The following CCDC178 variants were observed in gnomAD, a reference collection of about 807,000 sequenced individuals.
The protein encoded by CCDC178 is coiled-coil domain-containing protein 178.
CCDC178 carries 126 observed loss-of-function variants against 117.4 expected under a neutral mutation model. The ratio of observed to expected loss-of-function variants is 1.07; its 90% CI spans 0.93 to 1.24. CCDC178 has a LOEUF of 1.24. CCDC178 is among the 50% of genes most tolerant of loss of function. The pLI is 0.00. For synonymous variants in CCDC178, 283 were observed against 313.4 expected (o/e 0.90, Z 1.02); for missense variants, 1,030 against 986.9 (o/e 1.04, Z -0.59).
At chr18:33,346,476 T>C (rs2062895814) in intron 8 of CCDC178, 65 bp from the exon 9 acceptor site, 6 of 874,870 alleles carry the variant, frequency 6.9e-6, no homozygotes, top group South Asian at 1.8e-5. Flanking sequence ...GATGGGAACA[T>C]GGGCCTTAGT....
intron 20 of CCDC178, among the ~76,000 whole-genome samples, chr18:33,133,916 G>T (rs942114810): frequency 6.6e-6 from 1 of 151,840 alleles, no homozygotes; most frequent in African/African-American, 2.4e-5. Flanking sequence ...AAGATTTTGA[G>T]ATACACTTCT....
intron 11 of CCDC178, among the ~76,000 whole-genome samples, chr18:33,306,248 G>T (rs1334533991): frequency 6.6e-6 from 1 of 151,942 alleles, no homozygotes; most frequent in African/African-American, 2.4e-5. Context: ...CTAACTTTTG[G>T]TCCACAGCCT....
intron 21 of CCDC178, among the ~76,000 whole-genome samples, chr18:33,063,016 G>A (rs144925025): frequency 3.9e-5 from 6 of 152,274 alleles, no homozygotes; most frequent in African/African-American, 1.4e-4. Context: ...ATCTGCCCTG[G>A]GCCACTGACA....
At chr18:32,960,415 G>A (rs2144656884) in intron 22 of CCDC178, among the ~76,000 whole-genome samples, 1 of 152,206 alleles carries the variant, frequency 6.6e-6, no homozygotes, top group East Asian at 1.9e-4. Flanking sequence ...GGAAGAAGGA[G>A]CTCTTAAACA....
chr18:33,090,879 T>A (rs927026791), intron 21 of CCDC178, among the ~76,000 whole-genome samples: 4 of 152,230 alleles, frequency 2.6e-5, no homozygotes, highest in African/African-American at 9.6e-5. Flanking sequence ...AGTCCTTGTA[T>A]CTTGCATCAA....
At chr18:33,022,850 C>T (rs567700000) in intron 21 of CCDC178, among the ~76,000 whole-genome samples, 1 of 151,924 alleles carries the variant, frequency 6.6e-6, no homozygotes, top group East Asian at 1.9e-4. Flanking sequence ...GGAATTCATT[C>T]TAAATATAAT....
At chr18:33,322,930 A>T (rs761122275) in intron 11 of CCDC178, among the ~76,000 whole-genome samples, 9 of 151,428 alleles carry the variant, frequency 5.9e-5, no homozygotes, top group Non-Finnish European at 1.2e-4. Context: ...ATTACATCAC[A>T]CAGAATCATA....
At position 33,438,982 on chromosome 18, in the gene CCDC178, C is replaced by A. The variant is rs145612930; in HGVS notation, c.-23+980G>T. Among the ~76,000 whole-genome samples, 217 of 152,322 alleles carry A rather than the reference C, an allele frequency of 1.4e-3. 1 individual carries two copies. The South Asian group carries it at 0.02, about 14-fold the overall frequency. ...TGTTTTGTGTGTAATTGTTTTCCCA[C>A]TCCATCCACATAGTCTGACATTGCT... On this transcript the variant is annotated intron_variant, in intron 2 of 22. Coordinates refer to ENST00000383096, the MANE Select transcript of CCDC178 (RefSeq NM_001105528.4).
At position 33,346,234 on chromosome 18, in the gene CCDC178, T is replaced by A. The variant is rs2062891305; in HGVS notation, c.635A>T (p.Glu212Val). The A allele has an allele frequency of 6.2e-7, 1 of 1,613,326 alleles. No homozygotes were observed. The highest frequency in any genetic ancestry group is 1.3e-5 in the African/African-American group (1 of 74,904). The change falls in exon 9 of 23, where the codon GAA becomes GTA. Residue 212 changes from glutamate (E) to valine (V), a missense_variant. Glu to Val is a moderately radical substitution (Grantham distance 121). Transcript: ENST00000383096. The stretch of plus-strand genomic sequence containing the variant: ...ACCTTTCTGCACAGCCAATGGGAGT[T>A]CTTGAAGTTTCCAGACTGACCAAGA... ...IDSWSVWKLQELPLAVQKEHE... is the reference protein window; with the variant it reads ...IDSWSVWKLQVLPLAVQKEHE...
intron 21 of CCDC178, among the ~76,000 whole-genome samples, chr18:32,996,723 A>G (rs2055517692): frequency 6.6e-6 from 1 of 152,074 alleles, no homozygotes; most frequent in African/African-American, 2.4e-5. Context: ...TTTTCTAAGC[A>G]CAAAATAACA....
intron 20 of CCDC178, among the ~76,000 whole-genome samples, chr18:33,099,561 T>G (rs2057594185): frequency 6.6e-6 from 1 of 152,016 alleles, no homozygotes; most frequent in African/African-American, 2.4e-5. Flanking sequence ...GGCATTAGTG[T>G]AATTAACCCA....
In CCDC178 at chr18:33,118,344, C is replaced by G. The variant is rs561658002; in HGVS notation, c.2239-25434G>C. On this transcript the variant is annotated intron_variant, in intron 20 of 22. Transcript: ENST00000383096. Reference sequence around the variant, plus strand: ...GCCTCCAATGCATGGTGCTATTTCTCTCACAATCACCATTTACTGGTGCAT... The same window carrying G: ...GCCTCCAATGCATGGTGCTATTTCTGTCACAATCACCATTTACTGGTGCAT... Among the ~76,000 whole-genome samples, 6 of 152,078 alleles carry G rather than the reference C, an allele frequency of 3.9e-5. No homozygotes were observed. The South Asian group carries it at 1.2e-3, about 32-fold the overall frequency.
intron 21 of CCDC178, among the ~76,000 whole-genome samples, chr18:32,978,271 C>A (rs560666906): frequency 1.5e-4 from 20 of 132,062 alleles, no homozygotes; most frequent in Non-Finnish European, 3.0e-4. Context: ...AAACAAGAAC[C>A]AGGAAAAGGA....
intron 20 of CCDC178, among the ~76,000 whole-genome samples, chr18:33,161,081 T>C (rs2058456446): frequency 6.6e-6 from 1 of 152,084 alleles, no homozygotes. Flanking sequence ...TCTAGCCTTG[T>C]ACATATGATT....
At chr18:33,253,178 C>T (rs556366129) in intron 14 of CCDC178, among the ~76,000 whole-genome samples, 8 of 151,840 alleles carry the variant, frequency 5.3e-5, no homozygotes, top group African/African-American at 1.4e-4. Flanking sequence ...ATATCATCAT[C>T]GTTGTCACAA....
chr18:33,151,559 A>C (rs1163191745), intron 20 of CCDC178, among the ~76,000 whole-genome samples: 1 of 152,210 alleles, frequency 6.6e-6, no homozygotes, highest in East Asian at 1.9e-4. Context: ...AATGTAAATG[A>C]GAATATTTTC....
chr18:33,103,349 T>C (rs908949277), intron 20 of CCDC178, among the ~76,000 whole-genome samples: 2 of 151,590 alleles, frequency 1.3e-5, no homozygotes, highest in African/African-American at 4.8e-5. Flanking sequence ...CCACAACCCC[T>C]GGGAATTATG....
intron 21 of CCDC178, among the ~76,000 whole-genome samples, chr18:33,063,120 C>A (rs2056953948): frequency 6.6e-6 from 1 of 152,160 alleles, no homozygotes; most frequent in Admixed American, 6.5e-5. Context: ...CAGGCGCCAT[C>A]CTGGGGCCTG....
At chr18:33,191,406 G>T (rs1355506595) in intron 20 of CCDC178, among the ~76,000 whole-genome samples, 1 of 152,026 alleles carries the variant, frequency 6.6e-6, no homozygotes, top group Non-Finnish European at 1.5e-5. Context: ...AGTCATTTAT[G>T]ATAACTACTT....
Sources: allele counts gnomAD v4.1 joint callset (sites outside exome capture counted in the v4.1 genomes callset), GRCh38; gene constraint gnomAD v4.1.1; transcripts MANE v1.5; gene names NCBI Gene and HGNC (gene_info 2026-07-23, HGNC 2026-07-21).